CDC42BPA: variants seen among roughly 807,000 people sequenced by gnomAD.
CDC42BPA encodes the protein serine/threonine-protein kinase MRCK alpha.
In CDC42BPA, 80 loss-of-function variants were observed where a neutral mutation model predicts 223.5. The ratio of observed to expected loss-of-function variants is 0.36; its 90% CI spans 0.30 to 0.43. The LOEUF (loss-of-function observed/expected upper bound fraction) is 0.43. CDC42BPA is among the 20% of genes least tolerant of loss of function. The probability of loss-of-function intolerance (pLI) is 1.00; values close to 1 mark genes in which losing one functional copy is unlikely to be tolerated. For synonymous variants in CDC42BPA, 694 were observed against 718.6 expected, an observed-to-expected ratio of 0.97 and a Z score of 0.55; for missense variants, 1,743 against 2,099.9, an observed-to-expected ratio of 0.83 and a Z score of 3.32.
rs562425774 is a variant in CDC42BPA, at chr1:226,995,726, A to G, written c.4976-746T>C. On this transcript the variant is annotated intron_variant, in intron 35 of 36. Coordinates refer to ENST00000366766, the MANE Select transcript of CDC42BPA (RefSeq NM_001394014.1). Reference sequence around the variant, plus strand: ...CACAGGAAGAAAAGGGAAGACCCAGAACACCCTGGGGAATCTCGGGGCTAT... The same window carrying G: ...CACAGGAAGAAAAGGGAAGACCCAGGACACCCTGGGGAATCTCGGGGCTAT... 2.0e-5 allele frequency among the ~76,000 whole-genome samples: 3 copies of G among 152,294 alleles called. No homozygotes were observed. In the South Asian group the frequency reaches 6.2e-4, roughly 32 times the overall value.
chr1:227,069,919 C>G, intron 20 of CDC42BPA, 66 bp from the exon 21 acceptor site: 2 of 1,064,836 alleles, frequency 1.9e-6, no homozygotes, highest in African/African-American at 3.1e-5. Context: ...GGATAACCTT[C>G]CCTGTCTGAA....
chr1:227,151,272 G>A (rs777445980), intron 6 of CDC42BPA, among the ~76,000 whole-genome samples: 41 of 152,070 alleles, frequency 2.7e-4, no homozygotes, highest in Non-Finnish European at 5.7e-4. Context: ...TTTCTAACTG[G>A]CTTATTTCAT....
At chr1:227,292,987 GTAT>G (rs1180216418) in intron 1 of CDC42BPA, among the ~76,000 whole-genome samples, 2 of 152,016 alleles carry the variant, frequency 1.3e-5, no homozygotes, top group African/African-American at 4.8e-5. Flanking sequence ...CTGCAAAATT[GTAT>G]CTAAAGTTGG....
At chr1:227,094,647 A>G (rs1683661827) in intron 15 of CDC42BPA, among the ~76,000 whole-genome samples, 1 of 152,328 alleles carries the variant, frequency 6.6e-6, no homozygotes, top group Admixed American at 6.5e-5. Context: ...GTGTTACCCC[A>G]AGGTGGGTAA....
chr1:227,204,902 G>A (rs1423883641), intron 3 of CDC42BPA, among the ~76,000 whole-genome samples: 1 of 151,710 alleles, frequency 6.6e-6, no homozygotes, highest in Non-Finnish European at 1.5e-5. Context: ...GTTCAAAATA[G>A]TAAAAATAAG....
At chr1:227,000,101 TA>T in intron 35 of CDC42BPA, among the ~76,000 whole-genome samples, 1 of 96,790 alleles carries the variant, frequency 1.0e-5, no homozygotes, top group Non-Finnish European at 2.5e-5. Context: ...AGTATAATAA[TA>T]ATAATAATAA....
chr1:227,187,763 A>C (rs1669073242), intron 5 of CDC42BPA, among the ~76,000 whole-genome samples: 1 of 150,098 alleles, frequency 6.7e-6, no homozygotes, highest in African/African-American at 2.4e-5. Flanking sequence ...AAAAACCCTG[A>C]AAGAAGCCAG....
At chr1:227,153,275 A>G (rs1384241959) in intron 6 of CDC42BPA, among the ~76,000 whole-genome samples, 2 of 151,962 alleles carry the variant, frequency 1.3e-5, no homozygotes, top group African/African-American at 4.8e-5. Flanking sequence ...TAGAACATAT[A>G]AAAACTGGCC....
At chr1:227,077,722 T>C (rs1262003360) in intron 17 of CDC42BPA, among the ~76,000 whole-genome samples, 3 of 152,082 alleles carry the variant, frequency 2.0e-5, no homozygotes, top group Non-Finnish European at 2.9e-5. Flanking sequence ...ACAAACAAAA[T>C]AAAATAACAG....
intron 11 of CDC42BPA, among the ~76,000 whole-genome samples, chr1:227,124,455 T>C (rs1343408800): frequency 6.6e-6 from 1 of 152,182 alleles, no homozygotes; most frequent in East Asian, 1.9e-4. Context: ...TTTGGAGGTA[T>C]ATATTTTTTC....
rs1024246256 is a variant in CDC42BPA at position 227,010,744 on chromosome 1, T to C, written c.4857+5336A>G. 8.7e-5 allele frequency: 24 copies of C among 274,502 alleles called. 1 individual carries two copies. The highest frequency in any genetic ancestry group is 2.9e-4 in the Admixed American group (5 of 17,434). The allele number at this position is 274,502 out of a possible 1,614,324, so 17.0% of individuals were successfully genotyped here. A position where few individuals can be genotyped will look rare whatever the true frequency, so the allele number is the denominator to read the frequency against. ...ATGGAGGAAGAGGAAGAGGAGAAGTTTGGCAGAAGAGAAATAGGCCAAAGG... is the reference window on the plus strand; with the variant it reads ...ATGGAGGAAGAGGAAGAGGAGAAGTCTGGCAGAAGAGAAATAGGCCAAAGG... On this transcript the variant is annotated intron_variant, in intron 34 of 36. Coordinates refer to ENST00000366766, the MANE Select transcript of CDC42BPA (RefSeq NM_001394014.1).
At position 227,035,515 on chromosome 1, in the gene CDC42BPA, CTATACCCAGGGGA is replaced by C; in HGVS notation, c.3279_3291del (p.Pro1094IlefsTer6). 2 of 1,611,726 alleles carry C rather than the reference CTATACCCAGGGGA, an allele frequency of 1.2e-6. No homozygotes were observed. Among genetic ancestry groups the C allele is most frequent in the Non-Finnish European group, 1.7e-6 (2 of 1,179,256 alleles). On this transcript the variant is annotated frameshift_variant, in exon 25 of 37. Transcript: ENST00000366766. LOFTEE classifies it high-confidence loss of function. ...GCTGTTCCTATTCCTTTCTGAGGAT[CTATACCCAGGGGA>C]CCTTTTGTCTGTTCAGGAGGAACTG... is the stretch of plus-strand genomic sequence containing the variant.
At chr1:227,234,165 A>G (rs1475180581) in intron 2 of CDC42BPA, 1 of 152,200 alleles carries the variant, frequency 6.6e-6, no homozygotes, top group East Asian at 1.9e-4. Flanking sequence ...TCCAGGATCC[A>G]GAGCCCAAAG....
intron 1 of CDC42BPA, among the ~76,000 whole-genome samples, chr1:227,289,031 TTAAA>T (rs1228989994): frequency 9.2e-5 from 14 of 152,042 alleles, no homozygotes; most frequent in African/African-American, 3.1e-4. Flanking sequence ...AATAAAAAAA[TTAAA>T]TAAAATGATA....
At chr1:227,084,479 G>T (rs1302590924) in intron 16 of CDC42BPA, among the ~76,000 whole-genome samples, 1 of 146,340 alleles carries the variant, frequency 6.8e-6, no homozygotes, top group Non-Finnish European at 1.5e-5. Context: ...AACGAGCAGA[G>T]ATAGTGCCAC....
intron 21 of CDC42BPA, among the ~76,000 whole-genome samples, chr1:227,060,808 A>G (rs1480238469): frequency 7.4e-6 from 1 of 135,132 alleles, no homozygotes. Flanking sequence ...TGCAACCTCT[A>G]CCTCCCAGGT....
chr1:227,119,867 T>A lies in CDC42BPA; in HGVS notation c.1584A>T (p.Arg528Ser). The change falls in exon 12 of 37, where the codon AGA (arginine) becomes AGT (serine). Residue 528 changes from arginine (R) to serine (S), a missense_variant. Around this residue, in one of 6 missense-constraint regions of CDC42BPA, gnomAD observed 464 missense variants for 488.0 expected, o/e 0.95. Transcript: ENST00000366766. ...TTTGTTTTTCATAAGCCTTGATTTG[T>A]CTAAAAGCATCATCTAGTTCTTGCC... ...AVRQELDDAF[R>S]QIKAYEKQIK... 6.2e-7 allele frequency: 1 copy of A among 1,604,064 alleles called. No homozygotes were observed. Among genetic ancestry groups the A allele is most frequent in the Non-Finnish European group, 8.5e-7 (1 of 1,174,270 alleles).
intron 1 of CDC42BPA, among the ~76,000 whole-genome samples, chr1:227,310,709 C>T (rs1468776756): frequency 6.8e-6 from 1 of 146,110 alleles, no homozygotes; most frequent in African/African-American, 2.6e-5. Flanking sequence ...TTTTTTGAGA[C>T]AGAGTCTTGC....
chr1:227,078,880 T>TGG (rs1680040473), intron 17 of CDC42BPA, among the ~76,000 whole-genome samples: 1 of 152,170 alleles, frequency 6.6e-6, no homozygotes, highest in Admixed American at 6.5e-5. Flanking sequence ...TCTGGAACTT[T>TGG]TTGAGTACTG....
Sources: gnomAD v4.1 joint callset for allele counts (sites outside exome capture counted in the v4.1 genomes callset) on GRCh38, gnomAD v4.1.1 for gene constraint, gnomAD v4.1.1 regional missense constraint, MANE v1.5 for transcripts, NCBI Gene and HGNC (gene_info 2026-07-23, HGNC 2026-07-21) for gene names.